HSP90AA1: variants seen among roughly 807,000 people sequenced by gnomAD.
HSP90AA1 encodes the protein heat shock protein 90 alpha family class A member 1, also known as heat shock protein HSP 90-alpha.
A neutral mutation model predicts 73.3 loss-of-function variants in HSP90AA1; 18 were observed. That is an observed-to-expected ratio of 0.25 (90% CI 0.17 to 0.36). HSP90AA1 has a LOEUF of 0.36. Ranked by LOEUF, HSP90AA1 falls within the 10% of genes least tolerant of loss-of-function variation. The probability of loss-of-function intolerance (pLI) is 1.00; values close to 1 mark genes in which losing one functional copy is unlikely to be tolerated. For missense variants in HSP90AA1, 704 were observed against 874.2 expected, an observed-to-expected ratio of 0.81 and a Z score of 2.45; for synonymous variants, 477 against 296.9, an observed-to-expected ratio of 1.61 and a Z score of -6.24.
In HSP90AA1 at chr14:102,080,789, T is replaced by C. The variant is rs973465918; in HGVS notation, c.*923A>G. ...TTTAACACAGAAGGTATTCCATGAA[T>C]AACATCAAAACAACGTGGACACTAA... On this transcript the variant is annotated 3_prime_UTR_variant, in exon 11 of 11. Transcript: ENST00000216281. 3 of 220,996 alleles carry C rather than the reference T, an allele frequency of 1.4e-5. No homozygotes were observed. The highest frequency in any genetic ancestry group is 1.2e-4 in the Admixed American group (2 of 17,310). The allele number at this position is 220,996 out of a possible 1,614,324, so 13.7% of individuals were successfully genotyped here. A position where few individuals can be genotyped will look rare whatever the true frequency, so the allele number is the denominator to read the frequency against.
In HSP90AA1 at chr14:102,086,410, G is replaced by A. The variant is rs576988499; in HGVS notation, c.1-32C>T. 9 of 1,613,626 alleles carry A rather than the reference G, an allele frequency of 5.6e-6. No homozygotes were observed. In the South Asian group the frequency reaches 6.6e-5, roughly 12 times the overall value. On this transcript the variant is annotated intron_variant, in intron 1 of 10. Transcript: ENST00000216281. ...CGACACCGCGCCGGTTTAAAACCTT[G>A]CAGGACGTCTACAGAGGCAACACGA...
intron 2 of HSP90AA1, among the ~76,000 whole-genome samples, chr14:102,098,336 A>C (rs1175170110): frequency 6.8e-6 from 1 of 147,572 alleles, no homozygotes; most frequent in African/African-American, 2.5e-5. Context: ...TAATTTTTGT[A>C]TTTTTAGTAG....
rs897421259 is a variant in HSP90AA1 at position 102,081,545 on chromosome 14, GTAT to G, written c.*164_*166del. On this transcript the variant is annotated 3_prime_UTR_variant, in exon 11 of 11. Transcript: ENST00000216281. ...TACTAGCTCTGCTTTAGTGCCTAAG[GTAT>G]CACAGCATCACTTAGTAGACAGAAA... is the stretch of plus-strand genomic sequence containing the variant. The G allele has an allele frequency of 1.4e-5, 9 of 633,394 alleles. No homozygotes were observed. The highest frequency in any genetic ancestry group is 5.5e-5 in the African/African-American group (3 of 54,600). 39.2% of individuals were successfully genotyped at this position (633,394 alleles called of 1,614,324 possible).
At chr14:102,126,203 T>C (rs2152625483) in intron 1 of HSP90AA1, among the ~76,000 whole-genome samples, 1 of 152,200 alleles carries the variant, frequency 6.6e-6, no homozygotes, top group East Asian at 1.9e-4. Context: ...CTATTCCCTC[T>C]GATGAACAGA....
chr14:102,096,252 A>C (rs2049422751), intron 2 of HSP90AA1, among the ~76,000 whole-genome samples: 1 of 152,186 alleles, frequency 6.6e-6, no homozygotes. Flanking sequence ...CACCAAGAAT[A>C]TGTGGCTGCA....
chr14:102,092,684 TGTA>T (rs1566724987), intron 2 of HSP90AA1, among the ~76,000 whole-genome samples: 1 of 152,170 alleles, frequency 6.6e-6, no homozygotes, highest in Non-Finnish European at 1.5e-5. Context: ...TTATTTTGAT[TGTA>T]GTGATGGTTT....
chr14:102,131,972 C>A (rs529980335), intron 1 of HSP90AA1, among the ~76,000 whole-genome samples: 1 of 152,298 alleles, frequency 6.6e-6, no homozygotes, highest in Non-Finnish European at 1.5e-5. Context: ...TGTGGTGGCT[C>A]ATACCTGTAA....
At chr14:102,121,680 A>G (rs2049780198) in intron 1 of HSP90AA1, among the ~76,000 whole-genome samples, 1 of 152,164 alleles carries the variant, frequency 6.6e-6, no homozygotes, top group Non-Finnish European at 1.5e-5. Context: ...AATAGTTTCA[A>G]TTTGCATTTC....
intron 1 of HSP90AA1, chr14:102,102,101 C>T (rs773665404): frequency 6.2e-7 from 1 of 1,607,926 alleles, no homozygotes; most frequent in East Asian, 2.2e-5. Flanking sequence ...AACATAAACA[C>T]AATCTTCTGG....
intron 1 of HSP90AA1, among the ~76,000 whole-genome samples, chr14:102,131,714 T>C (rs2049908790): frequency 6.6e-6 from 1 of 152,230 alleles, no homozygotes; most frequent in Non-Finnish European, 1.5e-5. Flanking sequence ...GACCAACATA[T>C]TTGAAACTGC....
chr14:102,095,468 T>A (rs1483690181), intron 2 of HSP90AA1, among the ~76,000 whole-genome samples: 2 of 152,140 alleles, frequency 1.3e-5, no homozygotes, highest in Non-Finnish European at 2.9e-5. Context: ...AGGGGACAGA[T>A]GTGCGTGAGC....
rs2049186468 is a variant in HSP90AA1 at position 102,084,884 on chromosome 14, C to T, written c.778G>A (p.Asp260Asn). The part of the protein sequence containing the change: ...KESEDKPEIE[D>N]VGSDEEEEKK... ...TCTTCTTCCTCATCAGAACCAACAT[C>T]TTCAATTTCAGGTTTGTCTTCCGAC... Residue 260 changes from aspartate to asparagine, a missense_variant, in exon 5 of 11, where the codon GAT (aspartate) becomes AAT (asparagine). Physicochemically the swap from Asp to Asn is conservative, Grantham distance 23 (BLOSUM62 1). Coordinates refer to ENST00000216281, the MANE Select transcript of HSP90AA1 (RefSeq NM_005348.4). 1.3e-6 allele frequency: 2 copies of T among 1,559,144 alleles called. No individual in the cohort carries two copies. The highest frequency in any genetic ancestry group is 1.7e-5 in the Admixed American group (1 of 59,508).
At chr14:102,090,562 A>G (rs924832546), upstream of HSP90AA1, among the ~76,000 whole-genome samples, 2 of 150,864 alleles carry the variant, frequency 1.3e-5, no homozygotes, top group Non-Finnish European at 2.9e-5. Context: ...CCATTCTCCT[A>G]CTTCAGCCTC....
At chr14:102,101,875 C>T (rs768683655) in exon 2 of HSP90AA1, 3 of 1,609,196 alleles carry the variant, frequency 1.9e-6, no homozygotes, top group Non-Finnish European at 2.6e-6. Context: ...GTCCACTTAC[C>T]AGTAGCCTAA....
chr14:102,084,077 G>A (rs932077985), intron 6 of HSP90AA1, 94 bp from the exon 7 acceptor site: 25 of 1,000,590 alleles, frequency 2.5e-5, no homozygotes, highest in Non-Finnish European at 3.0e-5. Flanking sequence ...TGAAGATGAT[G>A]GGACGTATTT....
intron 1 of HSP90AA1, among the ~76,000 whole-genome samples, chr14:102,110,394 G>T (rs1202673958): frequency 7.3e-6 from 1 of 136,776 alleles, no homozygotes; most frequent in Non-Finnish European, 1.6e-5. Context: ...GCTGTTAAAG[G>T]CATTCAGTTT....
At chr14:102,138,025 A>T (rs549799855) in intron 1 of HSP90AA1, among the ~76,000 whole-genome samples, 169 of 152,040 alleles carry the variant, frequency 1.1e-3, no homozygotes, top group Non-Finnish European at 1.9e-3. Context: ...AAAAAAAAAC[A>T]AAACTAAACC....
At chr14:102,086,158 C>T (rs370530877) in intron 2 of HSP90AA1, 34 bp from the exon 3 acceptor site, 34 of 1,614,020 alleles carry the variant, frequency 2.1e-5, no homozygotes, top group Admixed American at 5.0e-5. Context: ...AAGCATACAG[C>T]ACCCCCAAGA....
intron 1 of HSP90AA1, among the ~76,000 whole-genome samples, chr14:102,107,453 T>C (rs932923330): frequency 9.2e-5 from 14 of 152,102 alleles, no homozygotes; most frequent in Admixed American, 9.2e-4. Flanking sequence ...GCCTCCCAAG[T>C]AGCTGGGACT....
Sources: gnomAD v4.1 joint callset for allele counts (sites outside exome capture counted in the v4.1 genomes callset) on GRCh38, gnomAD v4.1.1 for gene constraint, MANE v1.5 for transcripts, NCBI Gene and HGNC (gene_info 2026-07-23, HGNC 2026-07-21) for gene names.